Variants in PLPPR1 observed in about 807,000 individuals in gnomAD.
The protein encoded by PLPPR1 is phospholipid phosphatase related 1, also known as phospholipid phosphatase-related protein type 1.
A neutral mutation model predicts 33.1 loss-of-function variants in PLPPR1; 10 were observed. The ratio of observed to expected loss-of-function variants is 0.30; its 90% CI spans 0.19 to 0.51. PLPPR1 has a LOEUF of 0.51. Among genes scored for constraint, PLPPR1 ranks in the 20% least tolerant of loss-of-function variants. PLPPR1 has a pLI of 0.97. For synonymous variants in PLPPR1, 151 were observed against 151.0 expected, an observed-to-expected ratio of 1.00 and a Z score of 0.00; for missense variants, 304 against 408.1, an observed-to-expected ratio of 0.74 and a Z score of 2.20.
intron 2 of PLPPR1, among the ~76,000 whole-genome samples, chr9:101,255,489 A>C (rs1466221323): frequency 1.3e-5 from 2 of 152,162 alleles, no homozygotes; most frequent in South Asian, 2.1e-4. Flanking sequence ...TGTGTTTCGA[A>C]GATTGCAAAT....
chr9:101,320,312 G>A (rs1829131300), intron 7 of PLPPR1, among the ~76,000 whole-genome samples: 1 of 152,200 alleles, frequency 6.6e-6, no homozygotes, highest in African/African-American at 2.4e-5. Context: ...GTAAAGCCAA[G>A]TGTTCCCTCA....
chr9:101,248,612 A>G (rs1300017998), intron 2 of PLPPR1, among the ~76,000 whole-genome samples: 1 of 152,118 alleles, frequency 6.6e-6, no homozygotes, highest in Non-Finnish European at 1.5e-5. Flanking sequence ...GGATATCCAC[A>G]GAGTGACAGT....
intron 1 of PLPPR1, among the ~76,000 whole-genome samples, chr9:101,167,177 T>TGTGTGTGTGTGTGTGTGTGTGTGA (rs1825871558): frequency 1.3e-5 from 1 of 75,086 alleles, no homozygotes; most frequent in Non-Finnish European, 3.1e-5. Context: ...TGTGTGTGTG[T>TGTGTGTGTGTGTGTGTGTGTGTGA]GTGTGTCTTT....
chr9:101,251,220 G>T (rs1237839304), intron 2 of PLPPR1, among the ~76,000 whole-genome samples: 3 of 151,994 alleles, frequency 2.0e-5, no homozygotes, highest in Non-Finnish European at 4.4e-5. Context: ...GTGCACTGTT[G>T]TTTCTCTACT....
intron 2 of PLPPR1, among the ~76,000 whole-genome samples, chr9:101,226,383 G>A (rs1176534224): frequency 6.6e-6 from 1 of 152,122 alleles, no homozygotes; most frequent in Non-Finnish European, 1.5e-5. Context: ...GCTACTGAAA[G>A]TCACTGATTG....
At chr9:101,286,985 A>G (rs182611004) in intron 4 of PLPPR1, among the ~76,000 whole-genome samples, 12 of 152,252 alleles carry the variant, frequency 7.9e-5, no homozygotes, top group Admixed American at 1.3e-4. Flanking sequence ...AGAACTGACA[A>G]CTGAGAAAGT....
intron 1 of PLPPR1, among the ~76,000 whole-genome samples, chr9:101,067,233 C>CA (rs11436092): frequency 0.64 from 95,434 of 148,378 alleles, 30,425 homozygotes; most frequent in East Asian, 0.8. Context: ...TACAAGTCAC[C>CA]AAAAAAAAAA....
chr9:101,314,146 C>CAGGAAGCCTCCCCAAGGAGAA (rs1465633558), intron 6 of PLPPR1, among the ~76,000 whole-genome samples: 19 of 152,172 alleles, frequency 1.2e-4, no homozygotes, highest in Non-Finnish European at 2.2e-4. Flanking sequence ...TAACAATGTT[C>CAGGAAGCCTCCCCAAGGAGAA]AGGAAGCCTC....
intron 1 of PLPPR1, among the ~76,000 whole-genome samples, chr9:101,053,707 T>C (rs1445671377): frequency 6.6e-6 from 1 of 152,160 alleles, no homozygotes; most frequent in Non-Finnish European, 1.5e-5. Flanking sequence ...AGTACTTCTG[T>C]GTGGCTGCAG....
intron 2 of PLPPR1, among the ~76,000 whole-genome samples, chr9:101,206,662 A>G (rs1826593781): frequency 6.6e-6 from 1 of 152,154 alleles, no homozygotes; most frequent in African/African-American, 2.4e-5. Flanking sequence ...TGGACATGAA[A>G]AATTGATTCA....
intron 1 of PLPPR1, among the ~76,000 whole-genome samples, chr9:101,166,175 T>G (rs964862483): frequency 1.3e-5 from 2 of 152,216 alleles, no homozygotes; most frequent in Non-Finnish European, 2.9e-5. Flanking sequence ...GGGCCCTTTA[T>G]GTTTCAACCA....
chr9:101,267,896 G>A (rs1374302730), intron 2 of PLPPR1, among the ~76,000 whole-genome samples: 1 of 152,006 alleles, frequency 6.6e-6, no homozygotes, highest in East Asian at 1.9e-4. Context: ...GTTTTGTTTT[G>A]TTTTGGAGAC....
At chr9:101,268,689 A>G (rs1158900378) in intron 2 of PLPPR1, among the ~76,000 whole-genome samples, 1 of 152,230 alleles carries the variant, frequency 6.6e-6, no homozygotes, top group East Asian at 1.9e-4. Context: ...TTAAGCCCTG[A>G]AAAGATTATG....
At chr9:101,204,145 CAT>C (rs891084254) in intron 2 of PLPPR1, among the ~76,000 whole-genome samples, 18 of 152,150 alleles carry the variant, frequency 1.2e-4, no homozygotes, top group African/African-American at 4.3e-4. Context: ...AGCTTGGTCT[CAT>C]AACCCAATAT....
intron 1 of PLPPR1, among the ~76,000 whole-genome samples, chr9:101,181,036 A>G (rs1378025092): frequency 6.6e-6 from 1 of 151,032 alleles, no homozygotes; most frequent in Non-Finnish European, 1.5e-5. Flanking sequence ...CTCAATAGCA[A>G]TAAAACAACC....
rs141866417 is a variant in PLPPR1 at position 101,033,024 on chromosome 9, C to G, written c.-46+3922C>G. On this transcript the variant is annotated intron_variant, in intron 1 of 7. Coordinates refer to ENST00000374874, the MANE Select transcript of PLPPR1 (RefSeq NM_207299.2). ...GTGAAAACTTTAAAAATAATCTGCA[C>G]CAGAGAGTTCATAAGGATCTCACTT... is the stretch of plus-strand genomic sequence containing the variant. Among the ~76,000 whole-genome samples, 1,077 of 152,250 alleles carry G rather than the reference C, an allele frequency of 7.1e-3. 9 individuals carry two copies. The highest frequency in any genetic ancestry group is 0.014 in the Middle Eastern group (4 of 294).
At chr9:101,229,344 G>A (rs1241103143) in intron 2 of PLPPR1, among the ~76,000 whole-genome samples, 1 of 152,040 alleles carries the variant, frequency 6.6e-6, no homozygotes. Context: ...TGTGTACCCT[G>A]TAGCCAATTT....
intron 3 of PLPPR1, among the ~76,000 whole-genome samples, chr9:101,271,200 C>T (rs1390767669): frequency 1.3e-5 from 2 of 152,130 alleles, no homozygotes; most frequent in African/African-American, 4.8e-5. Context: ...AAGAAACAAG[C>T]TTTGCTGCCT....
rs796837422 is a variant in PLPPR1, at chr9:101,172,315, A to G, written c.-45-13135A>G. Among the ~76,000 whole-genome samples the G allele has an allele frequency of 3.3e-5, 5 of 151,610 alleles. No homozygotes were observed. The South Asian group carries it at 1.0e-3, about 32-fold the overall frequency. ...CTTTTGCAAAATAAAAGATATCTCA[A>G]TGAATATTCAGTATTTGGTAACAGA... On this transcript the variant is annotated intron_variant, in intron 1 of 7. Coordinates refer to ENST00000374874, the MANE Select transcript of PLPPR1 (RefSeq NM_207299.2).
Sources: allele counts gnomAD v4.1 joint callset (sites outside exome capture counted in the v4.1 genomes callset), GRCh38; gene constraint gnomAD v4.1.1; transcripts MANE v1.5; gene names NCBI Gene and HGNC (gene_info 2026-07-23, HGNC 2026-07-21).